Variants in HOPX observed in about 807,000 individuals in gnomAD.
The protein encoded by HOPX is HOP homeobox.
In HOPX, 5 loss-of-function variants were observed where a neutral mutation model predicts 11.8. That is an observed-to-expected ratio of 0.43 (90% confidence interval 0.22 to 0.89). The LOEUF (loss-of-function observed/expected upper bound fraction) is 0.89, where lower values mean the gene tolerates loss of function less well. Ranked by LOEUF, HOPX falls within the 40% of genes least tolerant of loss-of-function variation. The probability of loss-of-function intolerance (pLI) is 0.28; values close to 1 mark genes in which losing one functional copy is unlikely to be tolerated. For synonymous variants in HOPX, 49 were observed against 49.7 expected (o/e 0.99, Z 0.06); for missense variants, 119 against 120.0 (o/e 0.99, Z 0.04).
At position 56,655,717 on chromosome 4, in the gene HOPX, C is replaced by T; in HGVS notation, c.198+140G>A. 3.9e-6 allele frequency: 4 copies of T among 1,024,582 alleles called. No homozygotes were observed. In the South Asian group the frequency reaches 4.6e-5, roughly 12 times the overall value. 63.5% of individuals were successfully genotyped at this position (1,024,582 alleles called of 1,614,324 possible). ...GGCGGGAGCCATGCAGGGTCTGGGC[C>T]CCTGGGATGCGGGCAGAAGCGATGG... On this transcript the variant is annotated intron_variant, in intron 3 of 3. Coordinates refer to ENST00000420433, the MANE Select transcript of HOPX (RefSeq NM_032495.6).
intron 3 of HOPX, chr4:56,649,752 C>CTTTATCT (rs1222199296): frequency 1.3e-4 from 20 of 152,360 alleles, no homozygotes; most frequent in African/African-American, 4.8e-4. Flanking sequence ...AAATCAGTGG[C>CTTTATCT]TGCCTTTATC....
chr4:56,650,622 C>T, intron 3 of HOPX: 2 of 1,530,374 alleles, frequency 1.3e-6, no homozygotes, highest in South Asian at 1.2e-5. Context: ...ACACCTCACC[C>T]ACCTGTACAG....
At chr4:56,656,340 C>T in intron 2 of HOPX, 1 of 1,053,854 alleles carries the variant, frequency 9.5e-7, no homozygotes, top group Non-Finnish European at 1.1e-6. Context: ...GGGCCCTCAC[C>T]GACCTCCGGC....
Position 56,648,649 on chromosome 4 carries a change from A to G in HOPX, c.*71T>C, listed in dbSNP as rs1369950361. 1.7e-6 allele frequency: 2 copies of G among 1,144,008 alleles called. No homozygotes were observed. Among genetic ancestry groups the G allele is most frequent in the African/African-American group, 3.1e-5 (2 of 65,416 alleles). 70.9% of individuals were successfully genotyped at this position (1,144,008 alleles called of 1,614,324 possible). Reference sequence around the variant, plus strand: ...CAACACTATGCTGAAAAACCACAACAGCTTGGTTAAGCGGAGGAGAGAAAC... The same window carrying G: ...CAACACTATGCTGAAAAACCACAACGGCTTGGTTAAGCGGAGGAGAGAAAC... On this transcript the variant is annotated 3_prime_UTR_variant, in exon 4 of 4. Transcript: ENST00000420433.
intron 1 of HOPX, among the ~76,000 whole-genome samples, chr4:56,667,403 G>A (rs28640252): frequency 0.034 from 5,201 of 152,208 alleles, 287 homozygotes; most frequent in African/African-American, 0.12. Flanking sequence ...GTGCATGGCT[G>A]TGCCCCATAG....
rs1468464870 is a variant in HOPX, at chr4:56,648,771, C to G, written c.225G>C (p.Lys75Asn). Residue 75 changes from lysine to asparagine, a missense_variant, in exon 4 of 4, where the codon AAG (lysine) becomes AAC (asparagine). Coordinates refer to ENST00000420433, the MANE Select transcript of HOPX (RefSeq NM_032495.6). The stretch of plus-strand genomic sequence containing the variant: ...AGGGCAGGCCTTCTGAGCGCCGCCA[C>G]TTTGCCAGGCGCTGCTTAAACCATT... The part of the protein sequence containing the change: ...TQKWFKQRLA[K>N]WRRSEGLPSE... 6.2e-7 allele frequency: 1 copy of G among 1,610,066 alleles called. No individual in the cohort carries two copies. The highest frequency in any genetic ancestry group is 2.2e-5 in the East Asian group (1 of 44,838).
intron 3 of HOPX, 113 bp downstream of exon 3, chr4:56,655,744 A>C: frequency 8.3e-7 from 1 of 1,211,634 alleles, no homozygotes; most frequent in Non-Finnish European, 1.2e-6. Flanking sequence ...AAGCGATGGG[A>C]GATCATGGGG....
intron 1 of HOPX, 44 bp downstream of exon 1, chr4:56,681,211 A>G: frequency 1.0e-6 from 1 of 982,436 alleles, no homozygotes; most frequent in South Asian, 4.7e-5. Flanking sequence ...TCCTGCACAA[A>G]CTCATTCCTC....
chr4:56,656,490 C>G (rs1458468644), intron 2 of HOPX: 1 of 276,208 alleles, frequency 3.6e-6, no homozygotes, highest in African/African-American at 1.4e-4. Context: ...ACTAGCCGGC[C>G]TCCGGCCTCC....
At chr4:56,667,265 A>G (rs113288811) in intron 1 of HOPX, among the ~76,000 whole-genome samples, 241 of 152,202 alleles carry the variant, frequency 1.6e-3, no homozygotes, top group African/African-American at 5.7e-3. Flanking sequence ...ATTTTCCCCC[A>G]ATATCGGAAA....
intron 3 of HOPX, among the ~76,000 whole-genome samples, chr4:56,653,697 G>A (rs2109467040): frequency 6.6e-6 from 1 of 152,298 alleles, no homozygotes; most frequent in Middle Eastern, 3.4e-3. Flanking sequence ...GGAAGAGGAA[G>A]CCAGGGGCCC....
chr4:56,665,837 G>C (rs1718404381), intron 1 of HOPX: 1 of 152,116 alleles, frequency 6.6e-6, no homozygotes, highest in South Asian at 2.1e-4. Flanking sequence ...TCTAGTATGT[G>C]ACAGAGCACA....
chr4:56,652,634 C>A (rs1717317983), intron 3 of HOPX, among the ~76,000 whole-genome samples: 1 of 151,940 alleles, frequency 6.6e-6, no homozygotes, highest in Non-Finnish European at 1.5e-5. Context: ...ATAGTGAGAC[C>A]CCCATCTCTA....
At chr4:56,658,955 G>A (rs1270674509) in intron 1 of HOPX, among the ~76,000 whole-genome samples, 1 of 152,242 alleles carries the variant, frequency 6.6e-6, no homozygotes, top group African/African-American at 2.4e-5. Flanking sequence ...GGGGTAGACA[G>A]TTGGGTCAAC....
intron 1 of HOPX, chr4:56,680,103 C>T (rs1045425140): frequency 1.2e-4 from 18 of 152,068 alleles, no homozygotes; most frequent in African/African-American, 3.1e-4. Context: ...AGAGGTTCCT[C>T]AGTCGGCAGC....
At chr4:56,654,972 C>T (rs1272119516) in intron 3 of HOPX, among the ~76,000 whole-genome samples, 1 of 152,110 alleles carries the variant, frequency 6.6e-6, no homozygotes, top group Non-Finnish European at 1.5e-5. Flanking sequence ...AAAGAGAAGT[C>T]GGAGTTTAGA....
At chr4:56,667,899 T>A (rs1338631591) in intron 1 of HOPX, among the ~76,000 whole-genome samples, 1 of 152,204 alleles carries the variant, frequency 6.6e-6, no homozygotes, top group Admixed American at 6.5e-5. Context: ...CCTGGGACAC[T>A]TCTGATGTAC....
At chr4:56,651,807 A>T (rs1284171910) in intron 3 of HOPX, among the ~76,000 whole-genome samples, 2 of 152,050 alleles carry the variant, frequency 1.3e-5, no homozygotes, top group Admixed American at 6.6e-5. Context: ...CCTCCCTAAG[A>T]ACCAATTCCA....
intron 2 of HOPX, chr4:56,656,303 C>A: frequency 1.8e-6 from 2 of 1,113,330 alleles, no homozygotes; most frequent in Non-Finnish European, 2.2e-6. Context: ...TCCCTGCCTG[C>A]GACGGGGGCG....
Sources: gnomAD v4.1 joint callset for allele counts (sites outside exome capture counted in the v4.1 genomes callset) on GRCh38, gnomAD v4.1.1 for gene constraint, MANE v1.5 for transcripts, NCBI Gene and HGNC (gene_info 2026-07-23, HGNC 2026-07-21) for gene names.